Variants in GALNTL6 observed in about 807,000 individuals in gnomAD.
GALNTL6 encodes the protein polypeptide N-acetylgalactosaminyltransferase-like 6.
In GALNTL6, 46 loss-of-function variants were observed where a neutral mutation model predicts 73.7. The observed-to-expected ratio is 0.62, with a 90% CI of 0.49 to 0.80. The LOEUF is 0.80. Among genes scored for constraint, GALNTL6 ranks in the 30% least tolerant of loss-of-function variants. The pLI is 0.00. For synonymous variants in GALNTL6, 259 were observed against 263.7 expected (o/e 0.98, Z 0.17); for missense variants, 604 against 755.0 (o/e 0.80, Z 2.34).
intron 5 of GALNTL6, among the ~76,000 whole-genome samples, chr4:172,402,535 C>G (rs2111326850): frequency 6.6e-6 from 1 of 152,130 alleles, no homozygotes. Context: ...TTACGTTTTT[C>G]TAAATGTTCC....
intron 2 of GALNTL6, among the ~76,000 whole-genome samples, chr4:172,105,605 A>T (rs1481442727): frequency 9.2e-5 from 14 of 152,098 alleles, no homozygotes; most frequent in Non-Finnish European, 1.5e-5. Context: ...TCTAAAGAGA[A>T]AACACAGATT....
chr4:172,803,925 A>G (rs761788208), intron 5 of GALNTL6, among the ~76,000 whole-genome samples: 1 of 152,302 alleles, frequency 6.6e-6, no homozygotes, highest in South Asian at 2.1e-4. Flanking sequence ...TGAAATGCCT[A>G]TAGTCAAATG....
At chr4:171,821,128 T>A (rs998404960) in intron 2 of GALNTL6, among the ~76,000 whole-genome samples, 1 of 152,074 alleles carries the variant, frequency 6.6e-6, no homozygotes, top group African/African-American at 2.4e-5. Flanking sequence ...CTCAGTCTCC[T>A]GGGCTCAAGC....
chr4:172,559,183 G>A (rs1736258025), intron 5 of GALNTL6, among the ~76,000 whole-genome samples: 1 of 140,416 alleles, frequency 7.1e-6, no homozygotes, highest in African/African-American at 2.6e-5. Flanking sequence ...TCCTGCCTCA[G>A]CCTCCCGAGT....
Position 172,144,703 on chromosome 4 carries a change from G to GT in GALNTL6, c.139-84950dup, listed in dbSNP as rs546694488. Among the ~76,000 whole-genome samples, 326 of 152,202 alleles carry GT rather than the reference G, an allele frequency of 2.1e-3. 2 individuals are homozygous for GT. Among genetic ancestry groups the GT allele is most frequent in the Admixed American group, 9.2e-3 (141 of 15,288 alleles). On this transcript the variant is annotated intron_variant, in intron 2 of 12. Coordinates refer to ENST00000506823, the MANE Select transcript of GALNTL6 (RefSeq NM_001034845.3). ...ATGGTAGTCTTTCCTCTGTACTGTT[G>GT]TTTCCCATCTTAAAAGCAATTCATC... is the stretch of plus-strand genomic sequence containing the variant.
rs750348404 is a variant in GALNTL6, at chr4:173,022,030, AGAAGGAAGGAAGGAAGGAAGGAAG to A, written c.1638+441_1638+464del. Among the ~76,000 whole-genome samples the A allele has an allele frequency of 2.0e-4, 14 of 69,234 alleles. No homozygotes were observed. The East Asian group carries it at 2.9e-3, about 14-fold the overall frequency. The allele number at this position is 69,234 out of a possible 152,430, so 45.4% of individuals were successfully genotyped here. A position where few individuals can be genotyped will look rare whatever the true frequency, so the allele number is the denominator to read the frequency against. On this transcript the variant is annotated intron_variant, in intron 12 of 12. Transcript: ENST00000506823. Reference sequence around the variant, plus strand: ...GAGAGAGAGAAAAGGAAGGAAGGAAAGAAGGAAGGAAGGAAGGAAGGAAGGAAGGAAGGAAGGAAGGAAGGAAGG... The same window carrying A: ...GAGAGAGAGAAAAGGAAGGAAGGAAAGAAGGAAGGAAGGAAGGAAGGAAGG...
intron 4 of GALNTL6, among the ~76,000 whole-genome samples, chr4:172,336,265 G>GTT (rs1453823455): frequency 7.8e-5 from 2 of 25,718 alleles, no homozygotes; most frequent in African/African-American, 9.6e-5. Flanking sequence ...TCTTGGTATA[G>GTT]TTTTGTTTTG....
chr4:172,921,985 T>C (rs1220380409), intron 8 of GALNTL6, among the ~76,000 whole-genome samples: 1 of 152,192 alleles, frequency 6.6e-6, no homozygotes, highest in Non-Finnish European at 1.5e-5. Context: ...ACTTGAATTG[T>C]ATCTCCCAGC....
intron 2 of GALNTL6, among the ~76,000 whole-genome samples, chr4:171,861,217 C>T (rs1258110769): frequency 6.6e-6 from 1 of 152,128 alleles, no homozygotes; most frequent in East Asian, 1.9e-4. Flanking sequence ...GAGAGTTTAC[C>T]TCCTGAGTGT....
chr4:172,950,377 C>A (rs899811702), intron 9 of GALNTL6, among the ~76,000 whole-genome samples: 4 of 152,116 alleles, frequency 2.6e-5, no homozygotes, highest in Admixed American at 2.0e-4. Flanking sequence ...TGCACCCAGG[C>A]ACCTTAGAAA....
At chr4:172,641,721 A>G (rs1739991784) in intron 5 of GALNTL6, among the ~76,000 whole-genome samples, 1 of 152,018 alleles carries the variant, frequency 6.6e-6, no homozygotes, top group Non-Finnish European at 1.5e-5. Flanking sequence ...ACATATTATC[A>G]AATTTACTTA....
At chr4:172,482,812 T>C (rs2111486352) in intron 5 of GALNTL6, among the ~76,000 whole-genome samples, 1 of 152,362 alleles carries the variant, frequency 6.6e-6, no homozygotes, top group Admixed American at 6.5e-5. Flanking sequence ...TAATCATTAC[T>C]GTATCTTAAG....
At chr4:172,446,244 C>T (rs188123482) in intron 5 of GALNTL6, among the ~76,000 whole-genome samples, 58 of 152,202 alleles carry the variant, frequency 3.8e-4, no homozygotes, top group Non-Finnish European at 3.5e-4. Context: ...ACCTTTATGA[C>T]GATCACAGAG....
intron 5 of GALNTL6, among the ~76,000 whole-genome samples, chr4:172,598,384 C>A (rs1057432998): frequency 1.3e-5 from 2 of 152,028 alleles, no homozygotes; most frequent in Admixed American, 1.3e-4. Flanking sequence ...TCATTCATAA[C>A]AGCAAAATAT....
chr4:172,455,080 G>A (rs1732342812), intron 5 of GALNTL6, among the ~76,000 whole-genome samples: 1 of 152,178 alleles, frequency 6.6e-6, no homozygotes, highest in African/African-American at 2.4e-5. Context: ...GAAGCAGGGT[G>A]GGGCATCACC....
At chr4:171,894,290 GC>G (rs1736846514) in intron 2 of GALNTL6, among the ~76,000 whole-genome samples, 1 of 152,120 alleles carries the variant, frequency 6.6e-6, no homozygotes, top group Admixed American at 6.5e-5. Flanking sequence ...CCCATGTAGA[GC>G]AAGGCAGAGG....
chr4:172,838,308 G>A (rs1015146561), intron 7 of GALNTL6, among the ~76,000 whole-genome samples: 6 of 152,130 alleles, frequency 3.9e-5, no homozygotes, highest in Admixed American at 1.3e-4. Flanking sequence ...TAGCAGCAGC[G>A]GTGAGGGTGG....
intron 5 of GALNTL6, among the ~76,000 whole-genome samples, chr4:172,533,300 G>T (rs917105907): frequency 6.9e-6 from 1 of 145,054 alleles, no homozygotes; most frequent in African/African-American, 2.6e-5. Flanking sequence ...GGCGTGAGCC[G>T]CCGTGCCCGG....
intron 5 of GALNTL6, among the ~76,000 whole-genome samples, chr4:172,694,800 T>G (rs1376847241): frequency 1.3e-5 from 2 of 152,208 alleles, no homozygotes; most frequent in African/African-American, 4.8e-5. Flanking sequence ...TGATAAAATA[T>G]AACCATGGGC....
Sources: gnomAD v4.1 joint callset for allele counts (sites outside exome capture counted in the v4.1 genomes callset) on GRCh38, gnomAD v4.1.1 for gene constraint, MANE v1.5 for transcripts, NCBI Gene and HGNC (gene_info 2026-07-23, HGNC 2026-07-21) for gene names.